The following CPNE4 variants were observed in gnomAD, a reference collection of about 807,000 sequenced individuals.
The protein encoded by CPNE4 is copine-4.
A neutral mutation model predicts 67.9 loss-of-function variants in CPNE4; 25 were observed. The observed-to-expected ratio is 0.37, with a 90% CI of 0.27 to 0.51. The LOEUF (loss-of-function observed/expected upper bound fraction) is 0.51, where lower values mean the gene tolerates loss of function less well. Among genes scored for constraint, CPNE4 ranks in the 20% least tolerant of loss-of-function variants. The pLI, the probability that CPNE4 is intolerant of heterozygous loss-of-function variation, is 0.93. For synonymous variants in CPNE4, 242 were observed against 244.9 expected (o/e 0.99, Z 0.11); for missense variants, 464 against 690.8 (o/e 0.67, Z 3.68).
At chr3:131,977,801 C>T (rs146507606) in intron 1 of CPNE4, among the ~76,000 whole-genome samples, 1,908 of 151,610 alleles carry the variant, frequency 0.013, 40 homozygotes, top group African/African-American at 0.044. Context: ...ATACACTGCA[C>T]CATATTTGTA....
chr3:131,905,032 G>C (rs1047590802), intron 2 of CPNE4, among the ~76,000 whole-genome samples: 3 of 151,848 alleles, frequency 2.0e-5, no homozygotes, highest in Admixed American at 6.6e-5. Context: ...AGTATTTCTT[G>C]GTAATTAACA....
At chr3:131,648,793 A>G (rs2079734730) in intron 7 of CPNE4, among the ~76,000 whole-genome samples, 1 of 152,158 alleles carries the variant, frequency 6.6e-6, no homozygotes, top group South Asian at 2.1e-4. Context: ...AAGGGCAGGT[A>G]CTATTATCTC....
intron 1 of CPNE4, among the ~76,000 whole-genome samples, chr3:132,027,840 A>C (rs2074148601): frequency 6.7e-6 from 1 of 150,298 alleles, no homozygotes; most frequent in African/African-American, 2.4e-5. Flanking sequence ...ATAATGATAA[A>C]GTATTGTTTT....
At chr3:131,995,420 T>A (rs1392688305) in intron 1 of CPNE4, among the ~76,000 whole-genome samples, 2 of 152,148 alleles carry the variant, frequency 1.3e-5, no homozygotes, top group African/African-American at 4.8e-5. Flanking sequence ...CTTCCCAGTA[T>A]CCAAGTTTAT....
chr3:131,823,626 T>C (rs1560401079), intron 2 of CPNE4, among the ~76,000 whole-genome samples: 1 of 152,214 alleles, frequency 6.6e-6, no homozygotes, highest in Non-Finnish European at 1.5e-5. Flanking sequence ...TTCTAATGAA[T>C]GCAAAAATAA....
chr3:131,717,864 T>C (rs28410667), intron 3 of CPNE4, among the ~76,000 whole-genome samples: 1,938 of 56,566 alleles, frequency 0.034, 166 homozygotes, highest in Middle Eastern at 0.075. Flanking sequence ...CTCCCTCCTT[T>C]CTTTCTTTCT....
chr3:131,991,920 A>C (rs1581700), intron 1 of CPNE4, among the ~76,000 whole-genome samples: 123,488 of 135,422 alleles, frequency 0.91, 59,066 homozygotes, highest in African/African-American at 0.98. Flanking sequence ...AAGTGCCAAG[A>C]CTTCACAGCT....
intron 2 of CPNE4, among the ~76,000 whole-genome samples, chr3:131,857,732 C>A (rs755797568): frequency 9.2e-5 from 14 of 152,050 alleles, no homozygotes; most frequent in Admixed American, 3.3e-4. Context: ...GAGGGAAACC[C>A]TGTTACGGCC....
intron 2 of CPNE4, among the ~76,000 whole-genome samples, chr3:131,798,125 G>A (rs889641497): frequency 1.3e-5 from 2 of 152,114 alleles, no homozygotes; most frequent in African/African-American, 4.8e-5. Flanking sequence ...CTCCTCAGAG[G>A]CCTTATCTTC....
chr3:132,004,900 T>A (rs1391423226), intron 1 of CPNE4, among the ~76,000 whole-genome samples: 1 of 151,938 alleles, frequency 6.6e-6, no homozygotes, highest in Non-Finnish European at 1.5e-5. Flanking sequence ...AGAAAAAAAA[T>A]AAAGGACCAA....
intron 2 of CPNE4, among the ~76,000 whole-genome samples, chr3:131,843,428 A>T (rs2085871871): frequency 6.6e-6 from 1 of 152,242 alleles, no homozygotes; most frequent in East Asian, 1.9e-4. Flanking sequence ...TCAAATAAAG[A>T]GGGCAAAGCG....
At chr3:131,646,550 T>C (rs1162233780) in intron 7 of CPNE4, among the ~76,000 whole-genome samples, 1 of 152,212 alleles carries the variant, frequency 6.6e-6, no homozygotes, top group African/African-American at 2.4e-5. Flanking sequence ...GAGAGAGTCC[T>C]GCTGAGGACA....
intron 3 of CPNE4, among the ~76,000 whole-genome samples, chr3:131,709,725 C>T (rs2107719888): frequency 6.6e-6 from 1 of 152,348 alleles, no homozygotes; most frequent in East Asian, 1.9e-4. Context: ...GAAATAATGA[C>T]ACTTACCCTC....
chr3:131,571,193 T>A (rs1327024644), intron 10 of CPNE4, among the ~76,000 whole-genome samples: 2 of 152,050 alleles, frequency 1.3e-5, no homozygotes, highest in African/African-American at 4.8e-5. Context: ...TTTTTCCTCC[T>A]GGGCATCTGA....
chr3:131,751,391 T>C (rs188624273), intron 2 of CPNE4, among the ~76,000 whole-genome samples: 216 of 152,234 alleles, frequency 1.4e-3, no homozygotes, highest in African/African-American at 4.7e-3. Flanking sequence ...TATCTTCCAA[T>C]GTACTGATTC....
At chr3:131,995,094 A>G (rs989257411) in intron 1 of CPNE4, among the ~76,000 whole-genome samples, 9 of 152,018 alleles carry the variant, frequency 5.9e-5, no homozygotes, top group Non-Finnish European at 1.0e-4. Context: ...GGCTCAAGCG[A>G]TCCTCCAACC....
At chr3:132,028,632 T>C (rs1009940815) in intron 1 of CPNE4, among the ~76,000 whole-genome samples, 2 of 152,178 alleles carry the variant, frequency 1.3e-5, no homozygotes, top group African/African-American at 4.8e-5. Flanking sequence ...TGCCAAGCAT[T>C]GTATATATTA....
chr3:131,839,953 C>T (rs558956068), intron 2 of CPNE4, among the ~76,000 whole-genome samples: 12 of 152,234 alleles, frequency 7.9e-5, no homozygotes, highest in South Asian at 4.1e-4. Context: ...AGGCCCTATA[C>T]GAGGCAATGT....
intron 2 of CPNE4, among the ~76,000 whole-genome samples, chr3:131,837,717 T>C (rs576387081): frequency 4.6e-5 from 7 of 151,896 alleles, no homozygotes; most frequent in Non-Finnish European, 8.8e-5. Flanking sequence ...AGAGAGAAAG[T>C]ACATGGAAAA....
Sources: allele counts gnomAD v4.1 joint callset (sites outside exome capture counted in the v4.1 genomes callset), GRCh38; gene constraint gnomAD v4.1.1; transcripts MANE v1.5; gene names NCBI Gene and HGNC (gene_info 2026-07-23, HGNC 2026-07-21).